The following MICAL2 variants were observed in gnomAD, a reference collection of about 807,000 sequenced individuals.
The protein encoded by MICAL2 is microtubule associated monooxygenase, calponin and LIM domain containing 2, also known as [F-actin]-monooxygenase MICAL2.
A neutral mutation model predicts 127.3 loss-of-function variants in MICAL2; 77 were observed. That is an observed-to-expected ratio of 0.60 (90% CI 0.50 to 0.73). MICAL2 has a LOEUF of 0.73. Among genes scored for constraint, MICAL2 ranks in the 30% least tolerant of loss-of-function variants. The pLI, the probability that MICAL2 is intolerant of heterozygous loss-of-function variation, is 0.00. For synonymous variants in MICAL2, 570 were observed against 551.1 expected, an observed-to-expected ratio of 1.03 and a Z score of -0.48; for missense variants, 1,351 against 1,434.4, an observed-to-expected ratio of 0.94 and a Z score of 0.94.
chr11:12,313,002 T>TA (rs1387190870), intron 29 of MICAL2, among the ~76,000 whole-genome samples: 25 of 151,230 alleles, frequency 1.7e-4, no homozygotes, highest in Middle Eastern at 3.4e-3. Context: ...CCGTCTCTAC[T>TA]AAAAAAAATA....
chr11:12,165,454 A>C (rs1855389155), intron 3 of MICAL2, among the ~76,000 whole-genome samples: 1 of 152,222 alleles, frequency 6.6e-6, no homozygotes, highest in African/African-American at 2.4e-5. Context: ...AATGCTGGGC[A>C]TTTGCATACA....
chr11:12,340,626 A>T (rs1284335166), intron 32 of MICAL2, among the ~76,000 whole-genome samples: 1 of 152,230 alleles, frequency 6.6e-6, no homozygotes, highest in Non-Finnish European at 1.5e-5. Context: ...GAACTCTAAG[A>T]ACAACTCAGA....
At chr11:12,264,017 CATT>C (rs1337346631), downstream of MICAL2, among the ~76,000 whole-genome samples, 1 of 152,090 alleles carries the variant, frequency 6.6e-6, no homozygotes, top group East Asian at 1.9e-4. Context: ...CTTGAACACT[CATT>C]GTACTTTGCT....
intron 2 of MICAL2, among the ~76,000 whole-genome samples, chr11:12,145,282 C>T (rs1408517314): frequency 6.6e-6 from 1 of 152,198 alleles, no homozygotes; most frequent in Non-Finnish European, 1.5e-5. Context: ...CCAGCATGCA[C>T]TTCAGAAAAG....
chr11:12,323,674 A>G (rs1171262346), intron 30 of MICAL2, among the ~76,000 whole-genome samples: 1 of 152,212 alleles, frequency 6.6e-6, no homozygotes, highest in Non-Finnish European at 1.5e-5. Context: ...TACTAGCGAC[A>G]TGTGGCTACT....
chr11:12,114,550 C>A (rs1362763140), intron 1 of MICAL2, among the ~76,000 whole-genome samples: 1 of 152,220 alleles, frequency 6.6e-6, no homozygotes, highest in Non-Finnish European at 1.5e-5. Flanking sequence ...CATAGGGAGC[C>A]CCTTAAGACG....
intron 3 of MICAL2, among the ~76,000 whole-genome samples, chr11:12,187,068 C>T (rs536306549): frequency 2.4e-4 from 36 of 152,318 alleles, no homozygotes; most frequent in Admixed American, 1.8e-3. Context: ...GAGGCTCCAG[C>T]GAGGACTCTG....
At chr11:12,256,999 G>A (rs1416615917) in intron 24 of MICAL2, 28 bp downstream of exon 24, 1 of 1,590,828 alleles carries the variant, frequency 6.3e-7, no homozygotes. Context: ...GGCAGCACTG[G>A]GCTCTGGCCT....
chr11:12,216,471 C>G, intron 8 of MICAL2, 152 bp downstream of exon 8: 2 of 641,136 alleles, frequency 3.1e-6, no homozygotes, highest in South Asian at 1.9e-5. Context: ...CTTGGTGTTA[C>G]ATGAGTATTG....
chr11:12,203,870 A>G (rs1051860958), intron 3 of MICAL2, among the ~76,000 whole-genome samples: 1 of 152,228 alleles, frequency 6.6e-6, no homozygotes, highest in Non-Finnish European at 1.5e-5. Context: ...GCTTTTTAAA[A>G]GTGATCTTAT....
chr11:12,302,766 G>T (rs12796580), intron 29 of MICAL2, among the ~76,000 whole-genome samples: 3 of 151,844 alleles, frequency 2.0e-5, no homozygotes, highest in African/African-American at 7.3e-5. Context: ...GACTTCAAGC[G>T]ATCTTCCCAC....
downstream of MICAL2, among the ~76,000 whole-genome samples, chr11:12,293,227 G>T (rs549801781): frequency 6.6e-6 from 1 of 152,250 alleles, no homozygotes; most frequent in East Asian, 1.9e-4. Flanking sequence ...CAGAGGCCCA[G>T]CCAGTCCTAC....
intron 33 of MICAL2, among the ~76,000 whole-genome samples, chr11:12,353,152 G>A (rs564328255): frequency 2.4e-4 from 36 of 152,270 alleles, no homozygotes; most frequent in East Asian, 1.9e-3. Context: ...GCCAGTAACC[G>A]GGTATAACAA....
At chr11:12,286,869 C>T (rs182763698) in intron 2 of MICAL2, 48 of 346,250 alleles carry the variant, frequency 1.4e-4, no homozygotes, top group African/African-American at 9.2e-4. Flanking sequence ...CAAACAAAAA[C>T]ACAAAAATAT....
intron 3 of MICAL2, among the ~76,000 whole-genome samples, chr11:12,171,815 T>C (rs1856291332): frequency 6.6e-6 from 1 of 152,336 alleles, no homozygotes; most frequent in South Asian, 2.1e-4. Flanking sequence ...CCATATATAA[T>C]GTTAAACTTT....
chr11:12,228,736 G>A (rs948591962), intron 15 of MICAL2, among the ~76,000 whole-genome samples: 19 of 152,222 alleles, frequency 1.2e-4, no homozygotes, highest in Non-Finnish European at 2.4e-4. Context: ...CATGCCAGGC[G>A]ACAGGGAAGC....
chr11:12,228,338 C>CA (rs1158785303), intron 15 of MICAL2, among the ~76,000 whole-genome samples: 21 of 152,014 alleles, frequency 1.4e-4, no homozygotes, highest in Non-Finnish European at 2.5e-4. Flanking sequence ...TTAAAAAAAA[C>CA]AAAAAATTGG....
intron 2 of MICAL2, among the ~76,000 whole-genome samples, chr11:12,140,270 A>G (rs1488049124): frequency 6.6e-6 from 1 of 152,208 alleles, no homozygotes; most frequent in Non-Finnish European, 1.5e-5. Flanking sequence ...CTTCATGATC[A>G]AGCAGGTGGA....
rs189967777 is a variant in MICAL2, at chr11:12,175,333, A to G, written c.264+12914A>G. ...TCTACTAAAAATACAAAAATTAGCC[A>G]GGCGTGGTGGTGGGTGCCTGTAATC... On this transcript the variant is annotated intron_variant, in intron 3 of 27. Transcript: ENST00000683283. Among the ~76,000 whole-genome samples, 1,054 of 152,030 alleles carry G rather than the reference A, an allele frequency of 6.9e-3. 7 individuals carry two copies. Among genetic ancestry groups the G allele is most frequent in the Non-Finnish European group, 8.9e-3 (605 of 67,940 alleles).
Sources: allele counts gnomAD v4.1 joint callset (sites outside exome capture counted in the v4.1 genomes callset), GRCh38; gene constraint gnomAD v4.1.1; transcripts MANE v1.5; gene names NCBI Gene and HGNC (gene_info 2026-07-23, HGNC 2026-07-21).